IKZF2: variants seen among roughly 807,000 people sequenced by gnomAD.
IKZF2 encodes the protein zinc finger protein Helios.
IKZF2 carries 15 observed loss-of-function variants against 49.2 expected under a neutral mutation model. The observed-to-expected ratio is 0.30, with a 90% CI of 0.20 to 0.47. The LOEUF (loss-of-function observed/expected upper bound fraction) is 0.47. Among genes scored for constraint, IKZF2 ranks in the 20% least tolerant of loss-of-function variants. The pLI is 1.00. For missense variants in IKZF2, 567 were observed against 664.6 expected, an observed-to-expected ratio of 0.85 and a Z score of 1.61; for synonymous variants, 227 against 221.4, an observed-to-expected ratio of 1.03 and a Z score of -0.23.
rs1013734102 is a variant in IKZF2 at position 213,133,630 on chromosome 2, C to T, written c.139+14078G>A. Among the ~76,000 whole-genome samples, 5 of 151,308 alleles carry T rather than the reference C, an allele frequency of 3.3e-5. No homozygotes were observed. In the East Asian group the frequency reaches 7.7e-4, roughly 23 times the overall value. On this transcript the variant is annotated intron_variant, in intron 4 of 8. Coordinates refer to ENST00000434687, the MANE Select transcript of IKZF2 (RefSeq NM_001387220.1). ...CCTGTAATCTCAGCTTCTCGGGAGG[C>T]GAAGGTTGCAGTGGAGCCGAGATCG...
chr2:213,134,725 A>G (rs2060593052), intron 4 of IKZF2, among the ~76,000 whole-genome samples: 1 of 152,188 alleles, frequency 6.6e-6, no homozygotes, highest in African/African-American at 2.4e-5. Flanking sequence ...TCTACCAGAA[A>G]CCATTCTAAT....
intron 4 of IKZF2, among the ~76,000 whole-genome samples, chr2:213,078,063 T>C (rs1353592429): frequency 1.3e-5 from 2 of 152,142 alleles, no homozygotes; most frequent in African/African-American, 4.8e-5. Context: ...AGGATCCCAC[T>C]GATAAACGCA....
intron 4 of IKZF2, among the ~76,000 whole-genome samples, chr2:213,133,681 C>T (rs2060549194): frequency 6.7e-6 from 1 of 149,342 alleles, no homozygotes; most frequent in Non-Finnish European, 1.5e-5. Context: ...GCCTGGGCGA[C>T]AAAGATAGAC....
chr2:213,048,949 G>A lies in IKZF2; in HGVS notation c.574+764C>T, dbSNP rs1472191692. 2.0e-5 allele frequency among the ~76,000 whole-genome samples: 3 copies of A among 151,962 alleles called. No homozygotes were observed. The East Asian group carries it at 5.8e-4, about 29-fold the overall frequency. On this transcript the variant is annotated intron_variant, in intron 6 of 8. Transcript: ENST00000434687. ...AGAAACAAATAAAACTAGCTTGAGAGTATTCTATATTAATTTTCCACCTTT... is the reference window on the plus strand; with the variant it reads ...AGAAACAAATAAAACTAGCTTGAGAATATTCTATATTAATTTTCCACCTTT...
intron 4 of IKZF2, among the ~76,000 whole-genome samples, chr2:213,130,499 C>T (rs1482175835): frequency 2.0e-5 from 3 of 152,072 alleles, no homozygotes; most frequent in Non-Finnish European, 2.9e-5. Context: ...CCCCACCAAC[C>T]TTAAGACCCA....
intron 4 of IKZF2, among the ~76,000 whole-genome samples, chr2:213,126,639 A>T (rs975874508): frequency 6.6e-6 from 1 of 152,218 alleles, no homozygotes; most frequent in Non-Finnish European, 1.5e-5. Flanking sequence ...CATTTGAAAT[A>T]GTTTTAAATA....
At chr2:213,089,746 C>A (rs1205947078) in intron 4 of IKZF2, among the ~76,000 whole-genome samples, 1 of 152,014 alleles carries the variant, frequency 6.6e-6, no homozygotes, top group Non-Finnish European at 1.5e-5. Context: ...TGGGAGAATT[C>A]TGTAAGGGGG....
chr2:213,071,297 T>C (rs1168346827), intron 4 of IKZF2, among the ~76,000 whole-genome samples: 5 of 151,940 alleles, frequency 3.3e-5, no homozygotes, highest in African/African-American at 1.2e-4. Context: ...AATAAAAATA[T>C]ACAACATTTA....
chr2:213,146,763 G>GA (rs80171046), intron 4 of IKZF2, among the ~76,000 whole-genome samples: 2,794 of 133,388 alleles, frequency 0.021, 362 homozygotes, highest in East Asian at 0.16. Context: ...AATCTTCGGG[G>GA]GGGGGGAAGG....
At chr2:213,093,343 C>G (rs188440204) in intron 4 of IKZF2, among the ~76,000 whole-genome samples, 2 of 152,228 alleles carry the variant, frequency 1.3e-5, no homozygotes, top group African/African-American at 4.8e-5. Flanking sequence ...GGCCTTCTTT[C>G]AGTTCTTTGG....
chr2:213,136,058 A>AAAGAAAGAAAGAAAAAAG (rs2060651008), intron 4 of IKZF2, among the ~76,000 whole-genome samples: 1 of 150,194 alleles, frequency 6.7e-6, no homozygotes, highest in African/African-American at 2.5e-5. Flanking sequence ...CAAAAAAAAA[A>AAAGAAAGAAAGAAAAAAG]AAAAGAAAGA....
chr2:213,081,198 C>T (rs1404432666), intron 4 of IKZF2: 6 of 153,850 alleles, frequency 3.9e-5, no homozygotes, highest in Non-Finnish European at 8.8e-5. Flanking sequence ...GTGGTTATCC[C>T]AGCAATCAAC....
intron 4 of IKZF2, among the ~76,000 whole-genome samples, chr2:213,085,502 AT>A (rs1480994881): frequency 6.6e-6 from 1 of 152,214 alleles, no homozygotes; most frequent in East Asian, 1.9e-4. Flanking sequence ...TCCAGAAACT[AT>A]TTTTAAAGTT....
chr2:213,126,146 G>A (rs2060251949), intron 4 of IKZF2, among the ~76,000 whole-genome samples: 1 of 151,992 alleles, frequency 6.6e-6, no homozygotes, highest in Admixed American at 6.6e-5. Context: ...TTGTAATGCT[G>A]GCCACATCCC....
At chr2:213,151,727 C>CGGCGGG (rs1445616994), upstream of IKZF2, 6 of 146,118 alleles carry the variant, frequency 4.1e-5, no homozygotes. Flanking sequence ...GCGGCGGCTG[C>CGGCGGG]GGCGGCGGCG....
intron 4 of IKZF2, chr2:213,147,462 C>A: frequency 3.4e-6 from 2 of 583,824 alleles, no homozygotes; most frequent in East Asian, 2.8e-5. Context: ...AAATTCTAAC[C>A]TTTCTTACCT....
chr2:213,014,681 T>C (rs1696367412), intron 7 of IKZF2: 1 of 152,048 alleles, frequency 6.6e-6, no homozygotes, highest in Non-Finnish European at 1.5e-5. Context: ...TCTAAGTTGC[T>C]ATGGACTAAT....
intron 4 of IKZF2, among the ~76,000 whole-genome samples, chr2:213,142,513 T>C (rs2060910747): frequency 6.6e-6 from 1 of 151,986 alleles, no homozygotes; most frequent in Admixed American, 6.6e-5. Context: ...TATTGAGTCT[T>C]AGCATGTGCC....
rs575792936 is a variant in IKZF2, at chr2:213,017,360, T to A, written c.713-3426A>T. Among the ~76,000 whole-genome samples, 38 of 152,316 alleles carry A rather than the reference T, an allele frequency of 2.5e-4. No individual in the cohort carries two copies. The South Asian group carries it at 7.9e-3, about 32-fold the overall frequency. The stretch of plus-strand genomic sequence containing the variant: ...TATTTAACATCTTCCTAGACAGTTT[T>A]ATTTGCCTATTTCATGGAGACATAA... On this transcript the variant is annotated intron_variant, in intron 7 of 8. Transcript: ENST00000434687.
Sources: allele counts gnomAD v4.1 joint callset (sites outside exome capture counted in the v4.1 genomes callset), GRCh38; gene constraint gnomAD v4.1.1; transcripts MANE v1.5; gene names NCBI Gene and HGNC (gene_info 2026-07-23, HGNC 2026-07-21).